ASXL3: variants seen among roughly 807,000 people sequenced by gnomAD.
ASXL3 encodes the protein ASXL transcriptional regulator 3, also known as putative Polycomb group protein ASXL3.
A neutral mutation model predicts 170.6 loss-of-function variants in ASXL3; 34 were observed. That is an observed-to-expected ratio of 0.20 (90% CI 0.15 to 0.27). The LOEUF is 0.27. ASXL3 is among the 10% of genes least tolerant of loss of function. ASXL3 has a pLI of 1.00. For missense variants in ASXL3, 2,592 were observed against 2,695.3 expected (o/e 0.96, Z 0.85); for synonymous variants, 1,002 against 989.1 (o/e 1.01, Z -0.24).
At chr18:33,683,355 C>T (rs1031407537) in intron 7 of ASXL3, 50 bp from the exon 8 acceptor site, 29 of 1,528,018 alleles carry the variant, frequency 1.9e-5, no homozygotes, top group African/African-American at 2.8e-5. Flanking sequence ...CGTACGTACA[C>T]GTTTCCCTCT....
chr18:33,650,855 A>G (rs568887961), intron 4 of ASXL3, among the ~76,000 whole-genome samples: 52 of 152,192 alleles, frequency 3.4e-4, no homozygotes, highest in African/African-American at 1.2e-3. Flanking sequence ...GCAAACCACA[A>G]TTGCATCTCC....
rs541384434 is a variant in ASXL3, at chr18:33,739,830, A to G, written c.2426A>G (p.Glu809Gly). ...CAGAAGAATCTGTCTAATACTCCCG[A>G]ACCCATCATAATGAGTTCTTCTTCC... ...SQQKNLSNTP[E>G]PIIMSSSSIA... The change falls in exon 11 of 12, where the codon GAA (glutamate) becomes GGA (glycine). Residue 809 changes from glutamate (E) to glycine (G), a missense_variant. Coordinates refer to ENST00000269197, the MANE Select transcript of ASXL3 (RefSeq NM_030632.3). The G allele has an allele frequency of 6.2e-7, 1 of 1,613,882 alleles. No individual in the cohort carries two copies. The highest frequency in any genetic ancestry group is 1.1e-5 in the South Asian group (1 of 91,070).
At position 33,745,908 on chromosome 18, in the gene ASXL3, A is replaced by G. The variant is rs369151165; in HGVS notation, c.6060A>G (p.Pro2020=). Residue 2020 remains proline, a synonymous_variant, in exon 12 of 12, where the codon CCA becomes CCG. Transcript: ENST00000269197. The part of the protein sequence containing the change: ...PNKALVHPPP[P]PPPPPPPPLA... Reference sequence around the variant, plus strand: ...AAGCACTAGTACATCCGCCGCCGCCACCGCCTCCCCCTCCCCCTCCACCCT... The same window carrying G: ...AAGCACTAGTACATCCGCCGCCGCCGCCGCCTCCCCCTCCCCCTCCACCCT... 6.7e-5 allele frequency: 103 copies of G among 1,526,828 alleles called. No individual in the cohort carries two copies. The highest frequency in any genetic ancestry group is 2.6e-4 in the East Asian group (10 of 37,948). 94.6% of individuals were successfully genotyped at this position (1,526,828 alleles called of 1,614,324 possible). A position where few individuals can be genotyped will look rare whatever the true frequency, so the allele number is the denominator to read the frequency against.
chr18:33,716,319 A>C (rs1020445119), intron 8 of ASXL3, among the ~76,000 whole-genome samples: 14 of 152,234 alleles, frequency 9.2e-5, no homozygotes, highest in Non-Finnish European at 2.1e-4. Flanking sequence ...ATTCATTTGC[A>C]TAGTAAAAGT....
At chr18:33,676,000 G>A (rs1468281349) in intron 7 of ASXL3, among the ~76,000 whole-genome samples, 5 of 151,806 alleles carry the variant, frequency 3.3e-5, no homozygotes, top group African/African-American at 1.2e-4. Context: ...CAAGGCGGGC[G>A]GATCACGAGG....
rs1400218369 is a variant in ASXL3, at chr18:33,745,660, G to T, written c.5812G>T (p.Ala1938Ser). The T allele has an allele frequency of 2.5e-6, 4 of 1,613,966 alleles. No individual in the cohort carries two copies. Among genetic ancestry groups the T allele is most frequent in the Admixed American group, 3.3e-5 (2 of 60,026 alleles). Reference sequence around the variant, plus strand: ...GCAGTTTTACCAAATGCCTGTGGCTGCCAGGGGCCCCATTCCTACTGCAGC... The same window carrying T: ...GCAGTTTTACCAAATGCCTGTGGCTTCCAGGGGCCCCATTCCTACTGCAGC... ...RQQFYQMPVA[A>S]RGPIPTAALL... Residue 1938 changes from alanine to serine, a missense_variant, in exon 12 of 12, where the codon GCC (alanine) becomes TCC (serine). Physicochemically the swap from Ala to Ser is moderately conservative, Grantham distance 99. Transcript: ENST00000269197.
intron 4 of ASXL3, among the ~76,000 whole-genome samples, chr18:33,646,962 T>C (rs1297812211): frequency 6.6e-6 from 1 of 151,152 alleles, no homozygotes; most frequent in Non-Finnish European, 1.5e-5. Context: ...ATTGTGATCC[T>C]TTCGGTGTAT....
In ASXL3 at chr18:33,578,270, C is replaced by T. The variant is rs2064958429; in HGVS notation, c.-362C>T. ...AGCGGAGCATCCCCGGAGCTGTCAC[C>T]GCAGCGGCCGCGGCGGTGGCGCAGC... On this transcript the variant is annotated 5_prime_UTR_variant, in exon 1 of 12. Coordinates refer to ENST00000269197, the MANE Select transcript of ASXL3 (RefSeq NM_030632.3). 6.7e-6 allele frequency: 1 copy of T among 149,228 alleles called. No individual in the cohort carries two copies. Among genetic ancestry groups the T allele is most frequent in the African/African-American group, 2.4e-5 (1 of 41,006 alleles). The allele number at this position is 149,228 out of a possible 1,614,324, so 9.2% of individuals were successfully genotyped here.
In ASXL3 at chr18:33,747,871, C is replaced by G. The variant is rs2067821673; in HGVS notation, c.*1276C>G. The G allele has an allele frequency of 6.6e-6, 1 of 152,118 alleles. No homozygotes were observed. Among genetic ancestry groups the G allele is most frequent in the Admixed American group, 6.5e-5 (1 of 15,270 alleles). The allele number at this position is 152,118 out of a possible 1,614,324, so 9.4% of individuals were successfully genotyped here. ...CTTAACAGTTATCTTCAGTGTGCAT[C>G]CAGTAAAGTCTGCGTGTTGAGTATT... is the stretch of plus-strand genomic sequence containing the variant. On this transcript the variant is annotated 3_prime_UTR_variant, in exon 12 of 12. Coordinates refer to ENST00000269197, the MANE Select transcript of ASXL3 (RefSeq NM_030632.3).
chr18:33,701,486 C>T (rs1032311074), intron 8 of ASXL3, among the ~76,000 whole-genome samples: 2 of 152,046 alleles, frequency 1.3e-5, no homozygotes, highest in Non-Finnish European at 2.9e-5. Flanking sequence ...TTTTAGTTTT[C>T]AGAGTATAAG....
Position 33,745,845 on chromosome 18 carries a change from T to C in ASXL3, c.5997T>C (p.Gly1999=). The part of the protein sequence containing the change: ...MLSPNMPMKE[G]DEVGGTAHTM... ...CCCCCAATATGCCCATGAAAGAAGG[T>C]GATGAGGTGGGAGGCACTGCACACA... The change falls in exon 12 of 12, where the codon GGT becomes GGC. Residue 1999 remains glycine (G), a synonymous_variant. Coordinates refer to ENST00000269197, the MANE Select transcript of ASXL3 (RefSeq NM_030632.3). 1.9e-6 allele frequency: 3 copies of C among 1,613,824 alleles called. No homozygotes were observed. The highest frequency in any genetic ancestry group is 2.5e-6 in the Non-Finnish European group (3 of 1,179,866).
intron 2 of ASXL3, among the ~76,000 whole-genome samples, chr18:33,641,469 G>T (rs957229249): frequency 6.6e-6 from 1 of 151,960 alleles, no homozygotes; most frequent in African/African-American, 2.4e-5. Flanking sequence ...CAATTGTAGG[G>T]GATGGGAGAA....
In ASXL3 at chr18:33,667,579, A is replaced by G. The variant is rs142055262; in HGVS notation, c.478-3094A>G. Among the ~76,000 whole-genome samples, 1,285 of 151,744 alleles carry G rather than the reference A, an allele frequency of 8.5e-3. 9 individuals are homozygous for G. Among genetic ancestry groups the G allele is most frequent in the Middle Eastern group, 0.017 (5 of 294 alleles). ...TATCCCTGCTAGTGGATGTGATACT[A>G]TTTTTTTACTTATTGGAGACTCCAC... is the stretch of plus-strand genomic sequence containing the variant. On this transcript the variant is annotated intron_variant, in intron 5 of 11. Transcript: ENST00000269197.
chr18:33,597,517 C>A (rs2065139071), intron 1 of ASXL3, among the ~76,000 whole-genome samples: 1 of 152,046 alleles, frequency 6.6e-6, no homozygotes, highest in Non-Finnish European at 1.5e-5. Context: ...CTTCATTGTA[C>A]ATGCAGGATA....
intron 8 of ASXL3, among the ~76,000 whole-genome samples, chr18:33,713,902 A>G (rs1413850444): frequency 6.6e-6 from 1 of 152,170 alleles, no homozygotes; most frequent in Non-Finnish European, 1.5e-5. Context: ...TAGAAAGAAA[A>G]TTTTGTATGT....
intron 8 of ASXL3, among the ~76,000 whole-genome samples, chr18:33,706,944 G>A (rs77234534): frequency 0.013 from 2,013 of 151,914 alleles, 21 homozygotes; most frequent in Non-Finnish European, 0.021. Context: ...ACATGAGATA[G>A]AGATTAATTT....
At position 33,670,718 on chromosome 18, in the gene ASXL3, G is replaced by T; in HGVS notation, c.523G>T (p.Val175Leu). Residue 175 changes from valine (V) to leucine (L), a missense_variant, in exon 6 of 12, where the codon GTA becomes TTA. By Grantham distance (32) the Val-to-Leu change is conservative. This residue lies in a region of ASXL3 where 251 missense variants were observed against 281.9 expected (regional missense o/e 0.89). Coordinates refer to ENST00000269197, the MANE Select transcript of ASXL3 (RefSeq NM_030632.3). ...AAGAAGAAATGGAGTCTCAATGATG[G>T]TAAACAAGACTGTTCCTCGTGTTGT... ...QKRRNGVSMM[V>L]NKTVPRVVLT... 6.4e-7 allele frequency: 1 copy of T among 1,572,108 alleles called. No individual in the cohort carries two copies. Among genetic ancestry groups the T allele is most frequent in the Admixed American group, 1.8e-5 (1 of 54,112 alleles).
In ASXL3 at chr18:33,578,625, T is replaced by C. The variant is rs749792597; in HGVS notation, c.-7T>C. The C allele has an allele frequency of 2.2e-6, 3 of 1,342,618 alleles. No individual in the cohort carries two copies. The highest frequency in any genetic ancestry group is 1.5e-5 in the African/African-American group (1 of 65,034). 83.2% of individuals were successfully genotyped at this position (1,342,618 alleles called of 1,614,324 possible). A position where few individuals can be genotyped will look rare whatever the true frequency, so the allele number is the denominator to read the frequency against. The stretch of plus-strand genomic sequence containing the variant: ...GTCATCATCAGAACCATCAATGAGA[T>C]GCAAACATGAAAGACAAGAGGAAGA... On this transcript the variant is annotated 5_prime_UTR_variant, in exon 1 of 12. It removes an upstream start codon present in the reference 5' UTR. Transcript: ENST00000269197.
intron 1 of ASXL3, among the ~76,000 whole-genome samples, chr18:33,586,999 C>T (rs1314683451): frequency 2.6e-5 from 4 of 152,160 alleles, no homozygotes. Flanking sequence ...TCTATTCATT[C>T]ACTACATCTT....
Sources: allele counts gnomAD v4.1 joint callset (sites outside exome capture counted in the v4.1 genomes callset), GRCh38; gene constraint gnomAD v4.1.1; regional missense constraint gnomAD v4.1.1; transcripts MANE v1.5; gene names NCBI Gene and HGNC (gene_info 2026-07-23, HGNC 2026-07-21).